The following GLRA2 variants were observed in gnomAD, a reference collection of about 807,000 sequenced individuals.
GLRA2 encodes glycine receptor subunit alpha-2.
A neutral mutation model predicts 31.6 loss-of-function variants in GLRA2; 11 were observed. The ratio of observed to expected loss-of-function variants is 0.35; its 90% CI spans 0.22 to 0.58. The LOEUF (loss-of-function observed/expected upper bound fraction) is 0.58, where lower values mean the gene tolerates loss of function less well. Ranked by LOEUF, GLRA2 falls within the 20% of genes least tolerant of loss-of-function variation. The pLI, the probability that GLRA2 is intolerant of heterozygous loss-of-function variation, is 0.84. For missense variants in GLRA2, 212 were observed against 351.8 expected (o/e 0.60, Z 3.18); for synonymous variants, 132 against 134.0 (o/e 0.99, Z 0.10).
At chrX:14,708,910 TG>T (rs1899433143) in intron 8 of GLRA2, among the ~76,000 whole-genome samples, 1 of 109,548 alleles carries the variant, frequency 9.1e-6, no homozygotes, top group Non-Finnish European at 1.9e-5. Flanking sequence ...CACTCTAGTC[TG>T]GGCAACAAGA....
chrX:14,479,581 T>C, the GLRA2 span, among the ~76,000 whole-genome samples: 1 of 111,641 alleles, frequency 9.0e-6, no homozygotes, highest in African/African-American at 3.2e-5. Flanking sequence ...GCCATCTTTA[T>C]GTCCATGAGT....
At chrX:14,604,287 G>T (rs920407278) in intron 4 of GLRA2, 28 bp from the exon 5 acceptor site, 9 of 982,146 alleles carry the variant, frequency 9.2e-6, no homozygotes, top group Non-Finnish European at 1.1e-5. Context: ...TTTAAAAATG[G>T]TTTTTAATTT....
At chrX:14,459,010 A>C in the GLRA2 span, among the ~76,000 whole-genome samples, 405 of 111,980 alleles carry the variant, frequency 3.6e-3, 2 homozygotes, top group African/African-American at 0.013. Context: ...TTTTAGGTCT[A>C]ACATTTAAGT....
the GLRA2 span, among the ~76,000 whole-genome samples, chrX:14,470,662 G>C: frequency 3.6e-5 from 4 of 111,350 alleles, no homozygotes; most frequent in Admixed American, 3.8e-4. Flanking sequence ...GAAACATGAG[G>C]GATACACAAA....
chrX:14,591,439 A>G (rs1601744148), intron 4 of GLRA2, among the ~76,000 whole-genome samples: 1 of 111,535 alleles, frequency 9.0e-6, no homozygotes, highest in East Asian at 2.9e-4. Flanking sequence ...AAGAGTCCAG[A>G]AGCTGAAGAC....
chrX:14,607,074 C>T (rs1057280060), intron 5 of GLRA2, 57 bp from the exon 6 acceptor site: 4 of 917,703 alleles, frequency 4.4e-6, no homozygotes, highest in Middle Eastern at 2.7e-4. Context: ...CATGGGTAGA[C>T]TTTCAAGCTT....
intron 2 of GLRA2, among the ~76,000 whole-genome samples, chrX:14,548,752 G>T (rs914341244): frequency 9.0e-6 from 1 of 111,697 alleles, no homozygotes; most frequent in Non-Finnish European, 1.9e-5. Context: ...AACCAAAGGC[G>T]CATAAATCAT....
At chrX:14,526,355 T>C (rs148427668), upstream of GLRA2, among the ~76,000 whole-genome samples, 750 of 112,617 alleles carry the variant, frequency 6.7e-3, 11 homozygotes, top group African/African-American at 0.023. Flanking sequence ...TGGAGAACCA[T>C]AGTATTAACC....
intron 2 of GLRA2, among the ~76,000 whole-genome samples, chrX:14,536,525 G>A (rs2089326234): frequency 8.9e-6 from 1 of 112,261 alleles, no homozygotes; most frequent in East Asian, 2.8e-4. Flanking sequence ...GAAAGTAGCA[G>A]AAGCCTACAG....
At chrX:14,540,221 G>C (rs1295843300) in intron 2 of GLRA2, among the ~76,000 whole-genome samples, 1 of 111,035 alleles carries the variant, frequency 9.0e-6, no homozygotes, top group Non-Finnish European at 1.9e-5. Context: ...TGGTGTGAGA[G>C]AAAAAAACAA....
chrX:14,681,784 C>T (rs1411924545), intron 7 of GLRA2, among the ~76,000 whole-genome samples: 1 of 100,360 alleles, frequency 1.0e-5, no homozygotes, highest in Non-Finnish European at 2.0e-5. Context: ...CCCAGTTACT[C>T]GGCAGGCTGA....
the GLRA2 span, among the ~76,000 whole-genome samples, chrX:14,513,576 C>T: frequency 1.1e-4 from 12 of 110,795 alleles, no homozygotes; most frequent in East Asian, 5.7e-4. Flanking sequence ...ATAAAAAAAC[C>T]GAACAATCCC....
intron 2 of GLRA2, among the ~76,000 whole-genome samples, chrX:14,557,680 C>T (rs1444332064): frequency 9.0e-6 from 1 of 111,168 alleles, no homozygotes; most frequent in Non-Finnish European, 1.9e-5. Flanking sequence ...TCACAGAGGA[C>T]ATTTGGCAAT....
the GLRA2 span, among the ~76,000 whole-genome samples, chrX:14,451,112 A>T: frequency 8.9e-6 from 1 of 111,933 alleles, no homozygotes; most frequent in African/African-American, 3.2e-5. Context: ...CACTAAGGGA[A>T]TTTGTTACCA....
In GLRA2 at chrX:14,604,246, T is replaced by G. The variant is rs1049805258; in HGVS notation, c.495-69T>G. 5 of 611,923 alleles carry G rather than the reference T, an allele frequency of 8.2e-6. No individual in the cohort carries two copies. In the African/African-American group the frequency reaches 8.8e-5, roughly 11 times the overall value. The allele number at this position is 611,923 out of a possible 1,213,427, so 50.4% of individuals were successfully genotyped here. On this transcript the variant is annotated intron_variant, in intron 4 of 8. Coordinates refer to ENST00000218075, the MANE Select transcript of GLRA2 (RefSeq NM_002063.4). ...ACTTTGCTTAATGCCAAGTGTATTT[T>G]GTTTGTTTCTCAACAACTGGACTTC...
intron 8 of GLRA2, among the ~76,000 whole-genome samples, chrX:14,726,018 T>C (rs375018812): frequency 5.3e-5 from 6 of 112,459 alleles, no homozygotes; most frequent in African/African-American, 1.9e-4. Context: ...AGATGATGGA[T>C]AATTAATTGA....
the GLRA2 span, among the ~76,000 whole-genome samples, chrX:14,467,848 G>GAA: frequency 0.02 from 2,012 of 102,441 alleles, 65 homozygotes; most frequent in African/African-American, 0.068. Context: ...TGTAAGGACC[G>GAA]AAAAAAAAAA....
At chrX:14,546,381 G>A (rs983371273) in intron 2 of GLRA2, among the ~76,000 whole-genome samples, 1 of 111,213 alleles carries the variant, frequency 9.0e-6, no homozygotes, top group Admixed American at 9.6e-5. Flanking sequence ...TTAAAACCCA[G>A]CAGGCGGCTT....
chrX:14,688,436 C>T (rs2091304705), intron 7 of GLRA2, among the ~76,000 whole-genome samples: 1 of 111,364 alleles, frequency 9.0e-6, no homozygotes, highest in South Asian at 3.9e-4. Flanking sequence ...CCTTGAGCTG[C>T]TGTGGGCTCC....
Sources: allele counts gnomAD v4.1 joint callset (sites outside exome capture counted in the v4.1 genomes callset), GRCh38; gene constraint gnomAD v4.1.1; transcripts MANE v1.5; gene names NCBI Gene and HGNC (gene_info 2026-07-23, HGNC 2026-07-21).